Variants in QTMAN observed in about 807,000 individuals in gnomAD.
QTMAN encodes tRNA-queuosine alpha-mannosyltransferase.
the QTMAN span, among the ~76,000 whole-genome samples, chr2:144,017,109 A>G: frequency 6.6e-6 from 1 of 151,922 alleles, no homozygotes; most frequent in Non-Finnish European, 1.5e-5. Flanking sequence ...GGTTCAAGCA[A>G]TTCTCCTGCC....
the QTMAN span, among the ~76,000 whole-genome samples, chr2:144,142,565 A>G: frequency 6.6e-6 from 1 of 152,000 alleles, no homozygotes; most frequent in Non-Finnish European, 1.5e-5. Context: ...CTATTTGGTT[A>G]AAGTCTACTT....
chr2:143,984,431 C>T, the QTMAN span, among the ~76,000 whole-genome samples: 2 of 152,140 alleles, frequency 1.3e-5, no homozygotes, highest in African/African-American at 2.4e-5. Context: ...TCCTTGAGTG[C>T]AAGACCAAAA....
chr2:144,299,649 T>C, the QTMAN span, among the ~76,000 whole-genome samples: 8 of 152,296 alleles, frequency 5.3e-5, no homozygotes, highest in Middle Eastern at 3.4e-3. Context: ...GGTAAGAATA[T>C]GGAGAAATTG....
At chr2:143,989,132 T>A in the QTMAN span, among the ~76,000 whole-genome samples, 1 of 152,074 alleles carries the variant, frequency 6.6e-6, no homozygotes, top group Non-Finnish European at 1.5e-5. Context: ...TCATTTACTA[T>A]AATTATCTTA....
chr2:144,115,244 C>T, the QTMAN span, among the ~76,000 whole-genome samples: 1 of 151,822 alleles, frequency 6.6e-6, no homozygotes, highest in East Asian at 1.9e-4. Flanking sequence ...ACAACAACAA[C>T]AACAACAACA....
At chr2:143,994,233 C>T in the QTMAN span, among the ~76,000 whole-genome samples, 3 of 152,132 alleles carry the variant, frequency 2.0e-5, no homozygotes, top group East Asian at 1.9e-4. Context: ...GTACACAGTA[C>T]GGTGCCTGGC....
the QTMAN span, among the ~76,000 whole-genome samples, chr2:144,017,676 T>A: frequency 6.6e-5 from 10 of 152,220 alleles, no homozygotes; most frequent in Non-Finnish European, 1.5e-4. Flanking sequence ...TGCAGAATTA[T>A]GTTTCCATGT....
the QTMAN span, among the ~76,000 whole-genome samples, chr2:144,316,093 A>T: frequency 6.6e-6 from 1 of 152,170 alleles, no homozygotes; most frequent in Non-Finnish European, 1.5e-5. Context: ...AACTAAAAAA[A>T]TTAGCTGGGT....
chr2:144,084,822 C>CATA, the QTMAN span, among the ~76,000 whole-genome samples: 1 of 149,382 alleles, frequency 6.7e-6, no homozygotes, highest in Non-Finnish European at 1.5e-5. Flanking sequence ...GACATTTATA[C>CATA]ATAGTATTGC....
the QTMAN span, chr2:143,946,119 C>T: frequency 3.3e-5 from 5 of 151,996 alleles, no homozygotes; most frequent in African/African-American, 9.7e-5. Flanking sequence ...AAATCATAAG[C>T]GATTTATCTT....
the QTMAN span, among the ~76,000 whole-genome samples, chr2:144,241,985 G>C: frequency 6.6e-6 from 1 of 152,116 alleles, no homozygotes; most frequent in East Asian, 1.9e-4. Context: ...AAATAACTCA[G>C]AAATTCATGA....
At chr2:144,100,321 A>G in the QTMAN span, among the ~76,000 whole-genome samples, 30 of 152,222 alleles carry the variant, frequency 2.0e-4, no homozygotes, top group Non-Finnish European at 3.8e-4. Flanking sequence ...CAGTTACACC[A>G]GCCAGATTAT....
chr2:144,301,684 G>A, the QTMAN span, among the ~76,000 whole-genome samples: 3 of 152,112 alleles, frequency 2.0e-5, no homozygotes, highest in Admixed American at 6.5e-5. Flanking sequence ...AGCCATAAGA[G>A]GCTCTTTTTA....
the QTMAN span, among the ~76,000 whole-genome samples, chr2:143,991,523 C>T: frequency 1.4e-5 from 2 of 146,958 alleles, no homozygotes; most frequent in African/African-American, 5.0e-5. Context: ...GTGAGGAGCC[C>T]CTCTGCCCGG....
At chr2:144,032,442 A>T in the QTMAN span, among the ~76,000 whole-genome samples, 97 of 152,382 alleles carry the variant, frequency 6.4e-4, no homozygotes, top group African/African-American at 2.2e-3. Flanking sequence ...AGCCAAAATG[A>T]AAACTTTGTT....
At chr2:144,124,061 C>T in the QTMAN span, among the ~76,000 whole-genome samples, 2 of 152,114 alleles carry the variant, frequency 1.3e-5, no homozygotes, top group South Asian at 4.1e-4. Context: ...TCTAACAACT[C>T]TATCCATAAT....
At chr2:144,203,956 A>G in the QTMAN span, among the ~76,000 whole-genome samples, 1 of 152,140 alleles carries the variant, frequency 6.6e-6, no homozygotes. Context: ...TAGAAAGCTG[A>G]AACTGGATCC....
chr2:143,974,405 C>T, the QTMAN span, among the ~76,000 whole-genome samples: 3 of 152,080 alleles, frequency 2.0e-5, no homozygotes, highest in Non-Finnish European at 4.4e-5. Flanking sequence ...TTCATAGCAG[C>T]ATTGTTTATA....
the QTMAN span, among the ~76,000 whole-genome samples, chr2:144,226,309 T>C: frequency 6.6e-6 from 1 of 152,184 alleles, no homozygotes; most frequent in Non-Finnish European, 1.5e-5. Flanking sequence ...AAGTGCATAC[T>C]GTGAGCCAGA....
Sources: allele counts gnomAD v4.1 joint callset (sites outside exome capture counted in the v4.1 genomes callset), GRCh38; gene constraint gnomAD v4.1.1; transcripts MANE v1.5; gene names NCBI Gene and HGNC (gene_info 2026-07-23, HGNC 2026-07-21).